Variants in ADGRA1 observed in about 807,000 individuals in gnomAD.
ADGRA1 encodes the protein G-protein coupled receptor 123.
ADGRA1 carries 12 observed loss-of-function variants against 21.3 expected under a neutral mutation model. The ratio of observed to expected loss-of-function variants is 0.56; its 90% CI spans 0.36 to 0.91. ADGRA1 has a LOEUF of 0.91. Among genes scored for constraint, ADGRA1 ranks in the 40% least tolerant of loss-of-function variants. The pLI, the probability that ADGRA1 is intolerant of heterozygous loss-of-function variation, is 0.01. For synonymous variants in ADGRA1, 385 were observed against 368.8 expected (o/e 1.04, Z -0.50); for missense variants, 790 against 805.6 (o/e 0.98, Z 0.23).
At chr10:133,105,410 C>T (rs1043475778) in intron 5 of ADGRA1, among the ~76,000 whole-genome samples, 9 of 152,266 alleles carry the variant, frequency 5.9e-5, no homozygotes, top group East Asian at 3.9e-4. Flanking sequence ...CGGCTGTCCC[C>T]GAGAAGCAGC....
Position 133,088,034 on chromosome 10 carries a change from C to T in ADGRA1, c.-307C>T, listed in dbSNP as rs1057216627. On this transcript the variant is annotated 5_prime_UTR_variant, in exon 1 of 7. Coordinates refer to ENST00000392607, the MANE Select transcript of ADGRA1 (RefSeq NM_001083909.3). ...GTTGATAACTCGGTCCCAGCTCGGC[C>T]GCTGCCCTCGCGAATGGAGAGCGGG... 5 of 985,010 alleles carry T rather than the reference C, an allele frequency of 5.1e-6. No homozygotes were observed. The highest frequency in any genetic ancestry group is 1.1e-4 in the East Asian group (1 of 8,818). The allele number at this position is 985,010 out of a possible 1,614,324, so 61.0% of individuals were successfully genotyped here.
In ADGRA1 at chr10:133,129,482, G is replaced by C. The variant is rs1428442076; in HGVS notation, c.1654G>C (p.Gly552Arg). 1.9e-6 allele frequency: 3 copies of C among 1,597,926 alleles called. No homozygotes were observed. The highest frequency in any genetic ancestry group is 2.5e-6 in the Non-Finnish European group (3 of 1,179,150). The part of the protein sequence containing the change: ...GTDGTGNIRT[G>R]PWKNETTV ...CGACGGGACCGGCAACATCCGAACG[G>C]GACCCTGGAAAAACGAAACTACTGT... Residue 552 changes from glycine (G) to arginine (R), a missense_variant, in exon 7 of 7, where the codon GGA (glycine) becomes CGA (arginine). Gly to Arg is a moderately radical substitution (Grantham distance 125). Around this residue, in one of 3 missense-constraint regions of ADGRA1, gnomAD observed 391 missense variants for 351.5 expected, o/e 1.11. Coordinates refer to ENST00000392607, the MANE Select transcript of ADGRA1 (RefSeq NM_001083909.3).
intron 5 of ADGRA1, among the ~76,000 whole-genome samples, chr10:133,111,896 C>CCTGCCTGCCATGGGCAT (rs1852026710): frequency 4.6e-5 from 5 of 108,584 alleles, no homozygotes; most frequent in Non-Finnish European, 9.8e-5. Context: ...ACCACAGACA[C>CCTGCCTGCCATGGGCAT]CTCCCTCCTA....
chr10:133,088,966 G>C, intron 2 of ADGRA1, 54 bp downstream of exon 2: 2 of 1,235,784 alleles, frequency 1.6e-6, no homozygotes, highest in South Asian at 4.1e-5. Context: ...CGCTGCGGGG[G>C]GGCGGCCACC....
chr10:133,108,289 C>G (rs907159809), intron 5 of ADGRA1, among the ~76,000 whole-genome samples: 2 of 152,258 alleles, frequency 1.3e-5, no homozygotes, highest in African/African-American at 4.8e-5. Flanking sequence ...CACACAGAAC[C>G]TGGCGTGAGC....
chr10:133,114,537 C>T (rs888198938), intron 5 of ADGRA1, among the ~76,000 whole-genome samples: 2 of 152,200 alleles, frequency 1.3e-5, no homozygotes, highest in African/African-American at 4.8e-5. Flanking sequence ...AGCCTACCTT[C>T]CTCCCGACAC....
intron 5 of ADGRA1, among the ~76,000 whole-genome samples, chr10:133,119,464 A>T (rs1038651528): frequency 1.3e-5 from 2 of 152,254 alleles, no homozygotes; most frequent in Admixed American, 1.3e-4. Flanking sequence ...AGTTCTCTGT[A>T]GCACGTGGTG....
chr10:133,098,853 C>A, intron 4 of ADGRA1, 90 bp downstream of exon 4: 1 of 1,496,806 alleles, frequency 6.7e-7, no homozygotes, highest in South Asian at 1.3e-5. Context: ...AGCGTTTGCT[C>A]AGCTATTTCC....
chr10:133,098,784 G>A (rs779014272), intron 4 of ADGRA1, 21 bp downstream of exon 4: 26 of 1,605,164 alleles, frequency 1.6e-5, no homozygotes, highest in Middle Eastern at 1.7e-4. Flanking sequence ...GGGCGCCCTC[G>A]TTGGCTCCTC....
At chr10:133,121,392 G>A (rs1320780122) in intron 5 of ADGRA1, among the ~76,000 whole-genome samples, 2 of 151,128 alleles carry the variant, frequency 1.3e-5, no homozygotes, top group Non-Finnish European at 3.0e-5. Flanking sequence ...TGTGTGTGGT[G>A]TGTGTCAGTG....
chr10:133,114,031 C>T (rs72859854), intron 5 of ADGRA1, among the ~76,000 whole-genome samples: 120 of 152,338 alleles, frequency 7.9e-4, no homozygotes, highest in Non-Finnish European at 1.5e-3. Flanking sequence ...TGACTCTAGA[C>T]ACCATGAGTA....
At chr10:133,094,092 C>T (rs1851647692) in intron 2 of ADGRA1, among the ~76,000 whole-genome samples, 1 of 152,274 alleles carries the variant, frequency 6.6e-6, no homozygotes, top group Non-Finnish European at 1.5e-5. Context: ...CTCCAGGCGT[C>T]CACGCCTGCC....
chr10:133,093,735 C>T (rs11101913), intron 2 of ADGRA1, among the ~76,000 whole-genome samples: 42,497 of 152,158 alleles, frequency 0.28, 6,551 homozygotes, highest in East Asian at 0.62. Flanking sequence ...CATTGCGAGC[C>T]GAGGGTCCAG....
At chr10:133,104,270 G>A (rs1252990394) in intron 5 of ADGRA1, among the ~76,000 whole-genome samples, 1 of 152,214 alleles carries the variant, frequency 6.6e-6, no homozygotes, top group African/African-American at 2.4e-5. Context: ...GGGGGCTGGG[G>A]AGGTAGGGTT....
chr10:133,127,754 TCCGCCTTGCCCCG>T (rs1591191101), intron 6 of ADGRA1, among the ~76,000 whole-genome samples: 1 of 88,784 alleles, frequency 1.1e-5, no homozygotes, highest in Non-Finnish European at 2.3e-5. Context: ...CCGTCTGCCC[TCCGCCTTGCCCCG>T]CCCACCCAGC....
intron 6 of ADGRA1, among the ~76,000 whole-genome samples, 173 bp from the exon 7 acceptor site, chr10:133,128,156 G>A (rs1852418640): frequency 6.6e-6 from 1 of 150,494 alleles, no homozygotes; most frequent in Admixed American, 6.6e-5. Flanking sequence ...GGCCAATAGG[G>A]CCCGGTTCCC....
chr10:133,102,218 C>T (rs560965189), intron 4 of ADGRA1: 53 of 458,860 alleles, frequency 1.2e-4, no homozygotes, highest in African/African-American at 8.0e-4. Flanking sequence ...TGAGGAACGG[C>T]GACCTGCAGG....
chr10:133,111,961 C>A (rs11594989), intron 5 of ADGRA1, among the ~76,000 whole-genome samples: 919 of 26,966 alleles, frequency 0.034, 179 homozygotes, highest in African/African-American at 0.055. Flanking sequence ...CCCTCCAGAC[C>A]ACCTGCCCAC....
intron 5 of ADGRA1, among the ~76,000 whole-genome samples, chr10:133,123,128 C>T (rs1040874386): frequency 7.2e-5 from 11 of 152,210 alleles, no homozygotes; most frequent in Admixed American, 1.3e-4. Flanking sequence ...CCCACCCATG[C>T]GGGGCTCAGC....
Sources: gnomAD v4.1 joint callset for allele counts (sites outside exome capture counted in the v4.1 genomes callset) on GRCh38, gnomAD v4.1.1 for gene constraint, gnomAD v4.1.1 regional missense constraint, MANE v1.5 for transcripts, NCBI Gene and HGNC (gene_info 2026-07-23, HGNC 2026-07-21) for gene names.